PSMC2: variants seen among roughly 807,000 people sequenced by gnomAD.
The protein encoded by PSMC2 is 26S proteasome regulatory subunit 7.
In PSMC2, 7 loss-of-function variants were observed where a neutral mutation model predicts 53.3. That is an observed-to-expected ratio of 0.13 (90% CI 0.07 to 0.25). The LOEUF (loss-of-function observed/expected upper bound fraction) is 0.25, where lower values mean the gene tolerates loss of function less well. Ranked by LOEUF, PSMC2 falls within the 10% of genes least tolerant of loss-of-function variation. PSMC2 has a pLI of 1.00. For missense variants in PSMC2, 241 were observed against 544.0 expected (o/e 0.44, Z 5.54); for synonymous variants, 169 against 183.9 (o/e 0.92, Z 0.66).
chr7:103,350,892 T>G (rs528210767), intron 1 of PSMC2, among the ~76,000 whole-genome samples: 1 of 152,216 alleles, frequency 6.6e-6, no homozygotes, highest in South Asian at 2.1e-4. Context: ...ATCTTTAGTA[T>G]TTCTCAATCC....
chr7:103,359,307 A>AT (rs1047097907), intron 4 of PSMC2, among the ~76,000 whole-genome samples: 13 of 151,536 alleles, frequency 8.6e-5, no homozygotes, highest in Admixed American at 2.6e-4. Context: ...CAGCTTATGA[A>AT]TTTTTTTAAT....
At position 103,363,360 on chromosome 7, in the gene PSMC2, A is replaced by G; in HGVS notation, c.512A>G (p.Asp171Gly). The G allele has an allele frequency of 6.2e-7, 1 of 1,613,724 alleles. No homozygotes were observed. Among genetic ancestry groups the G allele is most frequent in the Non-Finnish European group, 8.5e-7 (1 of 1,179,578 alleles). ...CTCTCTTAGGTGGAAGAGAAACCTG[A>G]TGTCACATACAGTGATGTTGGTGGC... ...VTMMQVEEKP[D>G]VTYSDVGGCK... Residue 171 changes from aspartate (D) to glycine (G), a missense_variant, in exon 7 of 12, where the codon GAT becomes GGT. Asp to Gly is a moderately conservative substitution (Grantham distance 94). Transcript: ENST00000292644.
Position 103,347,753 on chromosome 7 carries a change from G to A in PSMC2, c.42G>A (p.Glu14=), listed in dbSNP as rs769928172. The A allele has an allele frequency of 5.0e-6, 8 of 1,613,804 alleles. No individual in the cohort carries two copies. The highest frequency in any genetic ancestry group is 2.7e-5 in the African/African-American group (2 of 74,916). The change falls in exon 1 of 12, where the codon GAG becomes GAA. Residue 14 remains glutamate, a synonymous_variant. Coordinates refer to ENST00000292644, the MANE Select transcript of PSMC2 (RefSeq NM_002803.4). The part of the protein sequence containing the change: ...YLGADQRKTK[E]DEKDDKPIRA... ...GTGCCGATCAGCGGAAGACCAAAGA[G>A]GATGAGAAGGACGACAAGCCCATCC... is the stretch of plus-strand genomic sequence containing the variant.
In PSMC2 at chr7:103,358,267, T is replaced by C. The variant is rs1335250515; in HGVS notation, c.290+2474T>C. ...TGTGGCCTAATTTTTCTCTGAAAAT[T>C]GTAGAGTCTTCTCTTGTTCTATTTT... On this transcript the variant is annotated intron_variant, in intron 4 of 11. Coordinates refer to ENST00000292644, the MANE Select transcript of PSMC2 (RefSeq NM_002803.4). 2.6e-5 allele frequency among the ~76,000 whole-genome samples: 4 copies of C among 152,196 alleles called. 1 individual carries two copies. Among genetic ancestry groups the C allele is most frequent in the Admixed American group, 2.6e-4 (4 of 15,276 alleles).
intron 8 of PSMC2, among the ~76,000 whole-genome samples, 194 bp from the exon 9 acceptor site, chr7:103,365,882 C>T (rs1042346721): frequency 6.6e-6 from 1 of 151,960 alleles, no homozygotes; most frequent in East Asian, 1.9e-4. Context: ...GAGCCGAGCT[C>T]GCACCACTGC....
At chr7:103,361,401 T>TG (rs1820395000) in intron 4 of PSMC2, among the ~76,000 whole-genome samples, 2 of 146,894 alleles carry the variant, frequency 1.4e-5, no homozygotes, top group African/African-American at 5.1e-5. Context: ...TCCCAGCTAC[T>TG]CGGGAGGCTG....
intron 2 of PSMC2, among the ~76,000 whole-genome samples, chr7:103,354,256 T>C (rs1486396626): frequency 6.6e-6 from 1 of 152,174 alleles, no homozygotes. Flanking sequence ...TTGAAAGATA[T>C]TTGAAATCAT....
chr7:103,369,331 G>C lies in PSMC2; in HGVS notation c.*1277G>C, dbSNP rs1488063808. The C allele has an allele frequency of 6.6e-6, 1 of 151,822 alleles. No individual in the cohort carries two copies. The highest frequency in any genetic ancestry group is 1.5e-5 in the Non-Finnish European group (1 of 68,004). 9.4% of individuals were successfully genotyped at this position (151,822 alleles called of 1,614,324 possible). A position where few individuals can be genotyped will look rare whatever the true frequency, so the allele number is the denominator to read the frequency against. ...TATGCTTACAATAAAATATACTTAA[G>C]AAAATGACTGAAGATGTATGTTTTT... is the stretch of plus-strand genomic sequence containing the variant. On this transcript the variant is annotated 3_prime_UTR_variant, in exon 12 of 12. Coordinates refer to ENST00000292644, the MANE Select transcript of PSMC2 (RefSeq NM_002803.4).
chr7:103,361,405 G>A (rs1009483990), intron 4 of PSMC2, among the ~76,000 whole-genome samples: 2 of 150,114 alleles, frequency 1.3e-5, no homozygotes, highest in African/African-American at 4.9e-5. Context: ...AGCTACTCGG[G>A]AGGCTGAGGC....
Position 103,367,369 on chromosome 7 carries a change from C to T in PSMC2, c.845-44C>T, listed in dbSNP as rs906294637. 1 of 1,596,904 alleles carries T rather than the reference C, an allele frequency of 6.3e-7. No individual in the cohort carries two copies. Among genetic ancestry groups the T allele is most frequent in the African/African-American group, 1.3e-5 (1 of 74,492 alleles). On this transcript the variant is annotated intron_variant, in intron 9 of 11. Transcript: ENST00000292644. The surrounding 1 kb of genome is among the most constrained non-coding windows in gnomAD (Gnocchi z 6.1). ...CTTTCAGGTCATGCATAGTGCTACTCTTGAGTGGACTTGAAGAGCTTATCT... is the reference window on the plus strand; with the variant it reads ...CTTTCAGGTCATGCATAGTGCTACTTTTGAGTGGACTTGAAGAGCTTATCT...
chr7:103,349,692 C>T (rs1427577844), intron 1 of PSMC2, among the ~76,000 whole-genome samples: 2 of 152,146 alleles, frequency 1.3e-5, no homozygotes, highest in Non-Finnish European at 2.9e-5. Flanking sequence ...TCAGGTGATC[C>T]GCCCACCTTG....
rs1165895686 is a variant in PSMC2, at chr7:103,368,245, A to AT, written c.*198dup. 1.0e-5 allele frequency: 6 copies of AT among 602,288 alleles called. No homozygotes were observed. The highest frequency in any genetic ancestry group is 6.2e-5 in the East Asian group (2 of 32,272). 37.3% of individuals were successfully genotyped at this position (602,288 alleles called of 1,614,324 possible). ...AAGCTTGTTAGAATATATTTTGACT[A>AT]TTTTTTTGACCCACACCCGTTTAAG... is the stretch of plus-strand genomic sequence containing the variant. On this transcript the variant is annotated 3_prime_UTR_variant, in exon 12 of 12. Coordinates refer to ENST00000292644, the MANE Select transcript of PSMC2 (RefSeq NM_002803.4).
intron 4 of PSMC2, among the ~76,000 whole-genome samples, chr7:103,357,216 C>T (rs955742117): frequency 2.0e-5 from 3 of 151,402 alleles, no homozygotes; most frequent in African/African-American, 7.3e-5. Flanking sequence ...ATCCCAGCTA[C>T]TGGAGAGGCT....
At chr7:103,355,059 A>G (rs1380246527) in intron 3 of PSMC2, 110 bp downstream of exon 3, 12 of 743,344 alleles carry the variant, frequency 1.6e-5, no homozygotes, top group Non-Finnish European at 2.7e-5. Context: ...AAAAAAAATC[A>G]TTATTCTTCC....
At chr7:103,362,874 A>C (rs915835250) in intron 6 of PSMC2, 116 bp downstream of exon 6, 11 of 755,658 alleles carry the variant, frequency 1.5e-5, no homozygotes, top group Non-Finnish European at 2.2e-5. Flanking sequence ...GCTCACTGCA[A>C]CCTCTGCCTC....
chr7:103,364,981 A>ATATATATATATATATATATATATT (rs950613120), intron 8 of PSMC2, among the ~76,000 whole-genome samples: 112 of 140,734 alleles, frequency 8.0e-4, no homozygotes, highest in Admixed American at 1.4e-3. Flanking sequence ...ATATATATAT[A>ATATATATATATATATATATATATT]TATTTAGAGA....
At chr7:103,355,639 T>G in intron 3 of PSMC2, 55 bp from the exon 4 acceptor site, 1 of 1,328,768 alleles carries the variant, frequency 7.5e-7, no homozygotes, top group Non-Finnish European at 1.1e-6. Flanking sequence ...TTAGAAAGCT[T>G]ATTATAGGGT....
chr7:103,358,091 G>A (rs1820147537), intron 4 of PSMC2, among the ~76,000 whole-genome samples: 1 of 152,174 alleles, frequency 6.6e-6, no homozygotes, highest in Non-Finnish European at 1.5e-5. Flanking sequence ...AAAAGGGTCA[G>A]TTGGGAGGTA....
chr7:103,364,341 G>A (rs1164454865), intron 8 of PSMC2, 34 bp downstream of exon 8: 1 of 1,607,882 alleles, frequency 6.2e-7, no homozygotes, highest in Admixed American at 1.7e-5. Flanking sequence ...ATATAGCCTT[G>A]TGAAAGATTT....
Sources: allele counts gnomAD v4.1 joint callset (sites outside exome capture counted in the v4.1 genomes callset), GRCh38; gene constraint gnomAD v4.1.1; non-coding constraint Gnocchi (gnomAD v3.1); transcripts MANE v1.5; gene names NCBI Gene and HGNC (gene_info 2026-07-23, HGNC 2026-07-21).